RABGAP1L: variants seen among roughly 807,000 people sequenced by gnomAD.
RABGAP1L encodes the protein rab GTPase-activating protein 1-like.
RABGAP1L carries 63 observed loss-of-function variants against 137.7 expected under a neutral mutation model. That is an observed-to-expected ratio of 0.46 (90% CI 0.37 to 0.56). RABGAP1L has a LOEUF of 0.56. Ranked by LOEUF, RABGAP1L falls within the 20% of genes least tolerant of loss-of-function variation. The pLI, the probability that RABGAP1L is intolerant of heterozygous loss-of-function variation, is 0.00. For synonymous variants in RABGAP1L, 431 were observed against 433.7 expected, an observed-to-expected ratio of 0.99 and a Z score of 0.08; for missense variants, 1,095 against 1,244.0, an observed-to-expected ratio of 0.88 and a Z score of 1.80.
intron 19 of RABGAP1L, among the ~76,000 whole-genome samples, chr1:174,900,346 G>T (rs139472042): frequency 0.015 from 2,227 of 152,240 alleles, 25 homozygotes; most frequent in Non-Finnish European, 0.023. Context: ...GTTTCCCATT[G>T]GTTACTTGGC....
intron 13 of RABGAP1L, among the ~76,000 whole-genome samples, chr1:174,460,203 A>G (rs1379736415): frequency 6.6e-6 from 1 of 151,938 alleles, no homozygotes. Flanking sequence ...AAATGTTTCT[A>G]ATTCTCATCC....
At chr1:174,890,082 G>T (rs1271400106) in intron 19 of RABGAP1L, among the ~76,000 whole-genome samples, 1 of 152,166 alleles carries the variant, frequency 6.6e-6, no homozygotes, top group Non-Finnish European at 1.5e-5. Flanking sequence ...ACAAAAAAAT[G>T]CAGTGATTAT....
chr1:174,771,740 A>G (rs1258363126), intron 18 of RABGAP1L, among the ~76,000 whole-genome samples: 3 of 152,248 alleles, frequency 2.0e-5, no homozygotes, highest in Non-Finnish European at 4.4e-5. Context: ...TGTAAAAAAA[A>G]TCTGACAGCT....
At chr1:174,883,262 T>C (rs183404508) in intron 19 of RABGAP1L, among the ~76,000 whole-genome samples, 49 of 152,344 alleles carry the variant, frequency 3.2e-4, no homozygotes, top group African/African-American at 1.1e-3. Flanking sequence ...CTCATTGGAA[T>C]ACCATGAGGT....
chr1:174,858,301 A>G (rs1308179978), intron 19 of RABGAP1L, among the ~76,000 whole-genome samples: 1 of 152,186 alleles, frequency 6.6e-6, no homozygotes, highest in Non-Finnish European at 1.5e-5. Flanking sequence ...TACAGGCATA[A>G]GCCACACACT....
intron 24 of RABGAP1L, among the ~76,000 whole-genome samples, chr1:174,986,557 G>C (rs1339745951): frequency 6.6e-6 from 1 of 152,234 alleles, no homozygotes; most frequent in Non-Finnish European, 1.5e-5. Context: ...AGGTCTGCCA[G>C]ACTGCAGCTC....
rs1453449994 is a variant in RABGAP1L, at chr1:174,572,974, GTTAAGTGCACTCAGATCCAGGGA to G, written c.1711-64396_1711-64374del. Among the ~76,000 whole-genome samples, 1,023 of 152,148 alleles carry G rather than the reference GTTAAGTGCACTCAGATCCAGGGA, an allele frequency of 6.7e-3. 13 individuals carry two copies. Among genetic ancestry groups the G allele is most frequent in the African/African-American group, 0.023 (962 of 41,508 alleles). The stretch of plus-strand genomic sequence containing the variant: ...ATTAAGCCAATTCCTTCATTTTGTG[GTTAAGTGCACTCAGATCCAGGGA>G]TTAATCGACTTTGCCAAAGTCATTT... On this transcript the variant is annotated intron_variant, in intron 13 of 25. Transcript: ENST00000681986.
intron 19 of RABGAP1L, among the ~76,000 whole-genome samples, chr1:174,933,115 CATTT>C (rs774975081): frequency 4.6e-5 from 7 of 152,072 alleles, no homozygotes; most frequent in African/African-American, 1.2e-4. Context: ...TACATACATA[CATTT>C]ATACATACAT....
At chr1:174,756,975 A>G (rs1684815367) in intron 18 of RABGAP1L, 1 of 937,230 alleles carries the variant, frequency 1.1e-6, no homozygotes, top group South Asian at 1.3e-5. Flanking sequence ...AGCACCAGAA[A>G]CTGGCCAAGG....
At chr1:174,869,520 CTG>C (rs1408113095) in intron 19 of RABGAP1L, among the ~76,000 whole-genome samples, 1 of 152,190 alleles carries the variant, frequency 6.6e-6, no homozygotes, top group African/African-American at 2.4e-5. Flanking sequence ...CCATGTAGAA[CTG>C]TGAGTCAATT....
chr1:174,358,550 T>C (rs897125817), intron 11 of RABGAP1L, among the ~76,000 whole-genome samples: 1 of 152,192 alleles, frequency 6.6e-6, no homozygotes, highest in Non-Finnish European at 1.5e-5. Context: ...CCTGTGACAC[T>C]TTCACATCTT....
chr1:174,715,520 C>T (rs1680923624), intron 17 of RABGAP1L, among the ~76,000 whole-genome samples: 2 of 152,200 alleles, frequency 1.3e-5, no homozygotes, highest in African/African-American at 2.4e-5. Flanking sequence ...ACACACTGTA[C>T]TAAAAGATTT....
intron 13 of RABGAP1L, among the ~76,000 whole-genome samples, chr1:174,476,250 C>T (rs1225488805): frequency 6.6e-6 from 1 of 151,918 alleles, no homozygotes; most frequent in African/African-American, 2.4e-5. Flanking sequence ...TTAATGTTGC[C>T]TATGCTATTT....
intron 18 of RABGAP1L, among the ~76,000 whole-genome samples, chr1:174,790,801 G>T (rs989068388): frequency 1.3e-5 from 2 of 151,476 alleles, no homozygotes; most frequent in Non-Finnish European, 2.9e-5. Context: ...GGGGCGGGGG[G>T]TATGTGTTTA....
chr1:174,736,818 C>T (rs551345386), intron 17 of RABGAP1L, among the ~76,000 whole-genome samples: 5 of 152,338 alleles, frequency 3.3e-5, no homozygotes, highest in African/African-American at 1.2e-4. Context: ...TCTGGAGCAG[C>T]AGCCTGAACT....
At chr1:174,186,109 A>C (rs929913340) in intron 1 of RABGAP1L, among the ~76,000 whole-genome samples, 1 of 150,236 alleles carries the variant, frequency 6.7e-6, no homozygotes, top group Non-Finnish European at 1.5e-5. Flanking sequence ...GCGCCATTGC[A>C]CTCCAGCCTG....
At chr1:174,536,544 A>G (rs1306898480) in intron 13 of RABGAP1L, among the ~76,000 whole-genome samples, 3 of 152,166 alleles carry the variant, frequency 2.0e-5, no homozygotes, top group Non-Finnish European at 4.4e-5. Context: ...TCCTTTAAAG[A>G]AATTGATTTT....
chr1:174,260,180 G>A (rs1673467671), intron 7 of RABGAP1L, among the ~76,000 whole-genome samples: 1 of 152,104 alleles, frequency 6.6e-6, no homozygotes, highest in South Asian at 2.1e-4. Flanking sequence ...ATCAGGTTAA[G>A]TAACTTTGGT....
chr1:174,675,949 A>G (rs1677590746), intron 14 of RABGAP1L, among the ~76,000 whole-genome samples: 1 of 152,196 alleles, frequency 6.6e-6, no homozygotes, highest in African/African-American at 2.4e-5. Flanking sequence ...CAGTGGTGAT[A>G]ACAGAGGTAC....
Sources: gnomAD v4.1 joint callset for allele counts (sites outside exome capture counted in the v4.1 genomes callset) on GRCh38, gnomAD v4.1.1 for gene constraint, MANE v1.5 for transcripts, NCBI Gene and HGNC (gene_info 2026-07-23, HGNC 2026-07-21) for gene names.